TNRC18: variants seen among roughly 807,000 people sequenced by gnomAD.
The protein encoded by TNRC18 is trinucleotide repeat containing 18, also known as trinucleotide repeat-containing gene 18 protein.
Under a neutral mutation model 226.7 loss-of-function variants are expected in TNRC18, and 69 were observed. The observed-to-expected ratio is 0.30, with a 90% CI of 0.25 to 0.37. The LOEUF is 0.37. Ranked by LOEUF, TNRC18 falls within the 10% of genes least tolerant of loss-of-function variation. The pLI, the probability that TNRC18 is intolerant of heterozygous loss-of-function variation, is 1.00. For synonymous variants in TNRC18, 2,449 were observed against 1,927.6 expected (o/e 1.27, Z -7.09); for missense variants, 4,754 against 4,256.6 (o/e 1.12, Z -3.25).
At chr7:5,321,292 T>C in intron 21 of TNRC18, 102 bp from the exon 22 acceptor site, 1 of 811,866 alleles carries the variant, frequency 1.2e-6, no homozygotes, top group South Asian at 1.7e-5. Context: ...ATGGAGGCCC[T>C]GGTACCGGGT....
intron 24 of TNRC18, among the ~76,000 whole-genome samples, chr7:5,317,570 G>C (rs1205994137): frequency 6.6e-6 from 1 of 151,698 alleles, no homozygotes; most frequent in African/African-American, 2.4e-5. Context: ...TGGCCTGGGT[G>C]ACAGAGCAAG....
rs1232470253 is a variant in TNRC18 at position 5,374,418 on chromosome 7, C to T, written c.2866G>A (p.Glu956Lys). Residue 956 changes from glutamate to lysine, a missense_variant, in exon 10 of 30, where the codon GAG becomes AAG. Transcript: ENST00000430969. ...MEEKGSKRGL[E>K]AAGKAGLATA... is the part of the protein sequence containing the mutation. ...GCCAGGCCAGCCTTGCCCGCAGCCT[C>T]CAGGCCCCGCTTGCTCCCCTTCTCT... 15 of 1,541,986 alleles carry T rather than the reference C, an allele frequency of 9.7e-6. No individual in the cohort carries two copies. The highest frequency in any genetic ancestry group is 8.7e-6 in the Non-Finnish European group (10 of 1,143,678).
chr7:5,371,799 G>T (rs926480667), intron 10 of TNRC18, among the ~76,000 whole-genome samples: 1 of 151,540 alleles, frequency 6.6e-6, no homozygotes, highest in Non-Finnish European at 1.5e-5. Flanking sequence ...AGCCAGGCGT[G>T]GTGGGCCACG....
intron 2 of TNRC18, among the ~76,000 whole-genome samples, chr7:5,410,603 C>T (rs566671499): frequency 3.3e-5 from 5 of 151,992 alleles, no homozygotes; most frequent in African/African-American, 9.7e-5. Context: ...GAGTGGCTCA[C>T]GCCTGTAATC....
rs918072856 is a variant in TNRC18, at chr7:5,365,236, T to G, written c.4220-2411A>C. 5.9e-5 allele frequency among the ~76,000 whole-genome samples: 9 copies of G among 152,192 alleles called. No homozygotes were observed. In the East Asian group the frequency reaches 1.7e-3, roughly 29 times the overall value. ...AAGCAATCACCCTGCCTCAGCCTCCTGAGTAGCTGGGACCACAGGCACATG... is the reference window on the plus strand; with the variant it reads ...AAGCAATCACCCTGCCTCAGCCTCCGGAGTAGCTGGGACCACAGGCACATG... On this transcript the variant is annotated intron_variant, in intron 11 of 29. Transcript: ENST00000430969.
intron 22 of TNRC18, 119 bp from the exon 23 acceptor site, chr7:5,320,726 T>C (rs1788264378): frequency 1.2e-6 from 1 of 801,684 alleles, no homozygotes; most frequent in Non-Finnish European, 2.0e-6. Flanking sequence ...ACTCAGAGGT[T>C]TGCTGACTTG....
At chr7:5,395,120 T>G (rs1780581682) in intron 2 of TNRC18, among the ~76,000 whole-genome samples, 1 of 151,766 alleles carries the variant, frequency 6.6e-6, no homozygotes, top group Non-Finnish European at 1.5e-5. Context: ...TGTGCCCATT[T>G]CACAGAAAAA....
chr7:5,315,948 T>C lies in TNRC18; in HGVS notation c.6862+8A>G, dbSNP rs1256408613. 1 of 1,559,024 alleles carries C rather than the reference T, an allele frequency of 6.4e-7. No homozygotes were observed. On this transcript the variant is annotated splice_region_variant and intron_variant, in intron 25 of 29. Coordinates refer to ENST00000430969, the MANE Select transcript of TNRC18 (RefSeq NM_001080495.3). ...CAGGAGACCGGGTGTCATGAGCTTGTCACTTACACTGTATCTTATAGTCAG... is the reference window on the plus strand; with the variant it reads ...CAGGAGACCGGGTGTCATGAGCTTGCCACTTACACTGTATCTTATAGTCAG...
chr7:5,307,624 C>T lies in TNRC18; in HGVS notation c.*482G>A, dbSNP rs1475551387. ...AGGTAGGCCAGCTGGCATCGGGCTG[C>T]CCTGTCCCATGCACGGTGGGAGGCC... On this transcript the variant is annotated 3_prime_UTR_variant, in exon 30 of 30. Transcript: ENST00000430969. The T allele has an allele frequency of 4.6e-6, 2 of 432,252 alleles. No individual in the cohort carries two copies. Among genetic ancestry groups the T allele is most frequent in the Non-Finnish European group, 9.3e-6 (2 of 214,422 alleles). 26.8% of individuals were successfully genotyped at this position (432,252 alleles called of 1,614,324 possible).
At chr7:5,327,037 T>C (rs1345554649) in intron 19 of TNRC18, among the ~76,000 whole-genome samples, 1 of 151,362 alleles carries the variant, frequency 6.6e-6, no homozygotes, top group East Asian at 2.0e-4. Flanking sequence ...GGCAGGAGAA[T>C]CGCTTGAACC....
chr7:5,409,812 TAAAAA>T (rs35153914), intron 2 of TNRC18, among the ~76,000 whole-genome samples: 1 of 104,734 alleles, frequency 9.5e-6, no homozygotes. Flanking sequence ...CCGTCTCTAC[TAAAAA>T]AAAAAAAAAA....
intron 9 of TNRC18, among the ~76,000 whole-genome samples, chr7:5,374,743 G>A (rs1426876610): frequency 6.6e-6 from 1 of 152,226 alleles, no homozygotes; most frequent in Non-Finnish European, 1.5e-5. Context: ...TCGAACCAGG[G>A]CTGATGGGGG....
In TNRC18 at chr7:5,342,679, G is replaced by A. The variant is rs760738674; in HGVS notation, c.5719+2883C>T. ...GATGGCATCTACTCCTGGTGAAGAT[G>A]CTGTGAACACTGTTGAAATGACAAA... On this transcript the variant is annotated intron_variant, in intron 18 of 29. Transcript: ENST00000430969. Among the ~76,000 whole-genome samples the A allele has an allele frequency of 3.3e-5, 5 of 152,190 alleles. No homozygotes were observed. The South Asian group carries it at 1.0e-3, about 32-fold the overall frequency.
chr7:5,382,649 G>A (rs1462629327), intron 5 of TNRC18, among the ~76,000 whole-genome samples: 1 of 152,146 alleles, frequency 6.6e-6, no homozygotes, highest in African/African-American at 2.4e-5. Context: ...GAAGCTGGAG[G>A]TGGGGACATC....
intron 27 of TNRC18, among the ~76,000 whole-genome samples, chr7:5,310,090 T>TG (rs1273972867): frequency 2.0e-5 from 3 of 151,400 alleles, no homozygotes; most frequent in Non-Finnish European, 4.4e-5. Flanking sequence ...TTTGTAGAGA[T>TG]GGGGGTCTCA....
chr7:5,392,991 G>A (rs1354832307), intron 3 of TNRC18, among the ~76,000 whole-genome samples: 5 of 152,190 alleles, frequency 3.3e-5, no homozygotes, highest in African/African-American at 7.2e-5. Context: ...CAGTCTGGGC[G>A]ACAGAGCAAG....
Position 5,387,810 on chromosome 7 carries a change from G to A in TNRC18, c.2014C>T (p.Gln672Ter). Residue 672 changes from glutamine (Q) to a stop codon, truncating the protein, a stop_gained, in exon 5 of 30, where the codon CAG becomes TAG. Transcript: ENST00000430969. LOFTEE classifies it high-confidence loss of function. ...GGGTGTCGCACTTCTGCCTCACCCT[G>A]GGCACCAGAGCCCTCGCGCCCGAAA... Reference protein sequence around the residue: ...KAFGREGSGAQGEAEVRHPPV... With the variant: ...KAFGREGSGA The A allele has an allele frequency of 6.2e-7, 1 of 1,607,440 alleles. No individual in the cohort carries two copies. The highest frequency in any genetic ancestry group is 8.5e-7 in the Non-Finnish European group (1 of 1,179,664).
intron 18 of TNRC18, among the ~76,000 whole-genome samples, chr7:5,335,848 A>G (rs952438573): frequency 9.2e-5 from 3 of 32,730 alleles, no homozygotes; most frequent in Middle Eastern, 0.022. Context: ...AAAAAAAAAA[A>G]AAAAAAAAAA....
intron 19 of TNRC18, among the ~76,000 whole-genome samples, chr7:5,329,753 T>TG: frequency 1.0e-5 from 1 of 96,348 alleles, no homozygotes. Flanking sequence ...ATCAATAGAG[T>TG]TGGGCTTTGA....
Sources: gnomAD v4.1 joint callset for allele counts (sites outside exome capture counted in the v4.1 genomes callset) on GRCh38, gnomAD v4.1.1 for gene constraint, MANE v1.5 for transcripts, NCBI Gene and HGNC (gene_info 2026-07-23, HGNC 2026-07-21) for gene names.